The following DLC1 variants were observed in gnomAD, a reference collection of about 807,000 sequenced individuals.
DLC1 encodes the protein rho GTPase-activating protein 7.
Under a neutral mutation model 140.3 loss-of-function variants are expected in DLC1, and 54 were observed. The observed-to-expected ratio is 0.38, with a 90% CI of 0.31 to 0.48. DLC1 has a LOEUF of 0.48. DLC1 is among the 20% of genes least tolerant of loss of function. DLC1 has a pLI of 0.96. For synonymous variants in DLC1, 986 were observed against 728.1 expected, an observed-to-expected ratio of 1.35 and a Z score of -5.70; for missense variants, 2,536 against 1,907.0, an observed-to-expected ratio of 1.33 and a Z score of -6.14.
intron 5 of DLC1, among the ~76,000 whole-genome samples, chr8:13,170,658 A>C (rs969832052): frequency 1.4e-5 from 2 of 141,576 alleles, no homozygotes; most frequent in Non-Finnish European, 3.0e-5. Flanking sequence ...TGAACCCGGG[A>C]GGCGGAGCTT....
intron 5 of DLC1, among the ~76,000 whole-genome samples, chr8:13,116,652 G>A (rs1265777952): frequency 6.6e-6 from 1 of 152,134 alleles, no homozygotes; most frequent in Non-Finnish European, 1.5e-5. Flanking sequence ...TTTTTGTCTA[G>A]TAACTTTATG....
At chr8:13,390,956 G>A (rs1239887099) in intron 4 of DLC1, among the ~76,000 whole-genome samples, 1 of 145,240 alleles carries the variant, frequency 6.9e-6, no homozygotes, top group East Asian at 2.0e-4. Context: ...CTGCACTCCA[G>A]CCTGGGCGAC....
chr8:13,117,297 C>A (rs1370227662), intron 5 of DLC1, among the ~76,000 whole-genome samples: 1 of 151,764 alleles, frequency 6.6e-6, no homozygotes, highest in African/African-American at 2.4e-5. Context: ...ATGGCGAAAC[C>A]CTGTCTCTAC....
chr8:13,422,334 G>A (rs405596), intron 2 of DLC1, among the ~76,000 whole-genome samples: 147,545 of 152,126 alleles, frequency 0.97, 71,705 homozygotes, highest in East Asian at 1. Context: ...TATTATTTTC[G>A]TATGAGAGAA....
At chr8:13,296,850 C>T (rs1831976381) in intron 5 of DLC1, among the ~76,000 whole-genome samples, 2 of 151,810 alleles carry the variant, frequency 1.3e-5, no homozygotes, top group Non-Finnish European at 1.5e-5. Context: ...AAGACCACTT[C>T]AAATGTGGGA....
chr8:13,414,962 C>T (rs917775724), intron 2 of DLC1, among the ~76,000 whole-genome samples: 16 of 152,144 alleles, frequency 1.1e-4, no homozygotes, highest in Non-Finnish European at 1.5e-4. Flanking sequence ...AGGCGTGCGC[C>T]ACCATGCCTG....
intron 4 of DLC1, among the ~76,000 whole-genome samples, chr8:13,337,144 T>G (rs1833841734): frequency 6.6e-6 from 1 of 152,146 alleles, no homozygotes; most frequent in African/African-American, 2.4e-5. Context: ...ACAAGAGCAT[T>G]TAATTTCTCT....
chr8:13,389,518 T>C (rs1167904670), intron 4 of DLC1, among the ~76,000 whole-genome samples: 1 of 152,270 alleles, frequency 6.6e-6, no homozygotes, highest in East Asian at 1.9e-4. Flanking sequence ...AAGCCTCTTC[T>C]TTTTTCTAAT....
At chr8:13,097,796 C>G (rs1482773908) in intron 10 of DLC1, among the ~76,000 whole-genome samples, 1 of 152,058 alleles carries the variant, frequency 6.6e-6, no homozygotes, top group East Asian at 1.9e-4. Flanking sequence ...AACTGGCAAT[C>G]TGTCACTCAA....
At chr8:13,504,500 C>A (rs559882314) in intron 1 of DLC1, among the ~76,000 whole-genome samples, 1 of 152,290 alleles carries the variant, frequency 6.6e-6, no homozygotes, top group South Asian at 2.1e-4. Context: ...TGATTCAAGT[C>A]TTCCGATTGA....
At chr8:13,333,265 G>T (rs750024262) in intron 4 of DLC1, among the ~76,000 whole-genome samples, 5 of 151,808 alleles carry the variant, frequency 3.3e-5, no homozygotes, top group Non-Finnish European at 5.9e-5. Context: ...TTCCTTTATT[G>T]CCCAGGCTGG....
At chr8:13,186,942 T>A (rs1337216059) in intron 5 of DLC1, among the ~76,000 whole-genome samples, 1 of 152,182 alleles carries the variant, frequency 6.6e-6, no homozygotes, top group Non-Finnish European at 1.5e-5. Flanking sequence ...TTTGCTGGAG[T>A]TCCACTCTAG....
At position 13,120,370 on chromosome 8, in the gene DLC1, T is replaced by TATATATATAAAA. The variant is rs369581778; in HGVS notation, c.1349-4714_1349-4713insTTTTATATATAT. Among the ~76,000 whole-genome samples the TATATATATAAAA allele has an allele frequency of 1.5e-4, 17 of 110,868 alleles. No individual in the cohort carries two copies. In the South Asian group the frequency reaches 5.1e-3, roughly 33 times the overall value. The allele number at this position is 110,868 out of a possible 152,430, so 72.7% of individuals were successfully genotyped here. On this transcript the variant is annotated intron_variant, in intron 5 of 17. Transcript: ENST00000276297. ...AAAAAAAAAAAAATATATATATATA[T>TATATATATAAAA]AAAATGTATATTATGTAACAAATAC... is the stretch of plus-strand genomic sequence containing the variant.
chr8:13,327,120 A>ATTTTTTTTTTTTT (rs34667525), intron 4 of DLC1, among the ~76,000 whole-genome samples: 2 of 85,660 alleles, frequency 2.3e-5, no homozygotes, highest in African/African-American at 4.4e-5. Context: ...ACACCCGGCT[A>ATTTTTTTTTTTTT]TTTTTTTTTT....
At position 13,092,463 on chromosome 8, in the gene DLC1, C is replaced by G. The variant is rs1318567049; in HGVS notation, c.3740+149G>C. Reference sequence around the variant, plus strand: ...GCCAACAGACCAGTCTCAGGTATGTCTTTATTAGCGGTGTGAGAATGGACT... The same window carrying G: ...GCCAACAGACCAGTCTCAGGTATGTGTTTATTAGCGGTGTGAGAATGGACT... On this transcript the variant is annotated intron_variant, in intron 13 of 17. Transcript: ENST00000276297. The G allele has an allele frequency of 1.1e-5, 9 of 834,692 alleles. No individual in the cohort carries two copies. The African/African-American group carries it at 1.4e-4, about 13-fold the overall frequency. The allele number at this position is 834,692 out of a possible 1,614,324, so 51.7% of individuals were successfully genotyped here. A position where few individuals can be genotyped will look rare whatever the true frequency, so the allele number is the denominator to read the frequency against.
At chr8:13,490,690 C>G (rs1271432925) in intron 2 of DLC1, among the ~76,000 whole-genome samples, 1 of 152,164 alleles carries the variant, frequency 6.6e-6, no homozygotes, top group Non-Finnish European at 1.5e-5. Context: ...CAAGCTAAAT[C>G]AGTTTCACTA....
intron 4 of DLC1, among the ~76,000 whole-genome samples, chr8:13,385,218 C>G (rs953381784): frequency 9.2e-5 from 14 of 151,964 alleles, no homozygotes; most frequent in African/African-American, 3.4e-4. Flanking sequence ...TACTACAGTC[C>G]TGATACAAAG....
chr8:13,474,010 C>G (rs143642541), intron 2 of DLC1, among the ~76,000 whole-genome samples: 1 of 152,150 alleles, frequency 6.6e-6, no homozygotes, highest in African/African-American at 2.4e-5. Flanking sequence ...GCATAAGTAA[C>G]GAGGAGCCAA....
intron 4 of DLC1, among the ~76,000 whole-genome samples, chr8:13,388,543 A>C (rs1836620705): frequency 6.6e-6 from 1 of 152,054 alleles, no homozygotes; most frequent in Non-Finnish European, 1.5e-5. Flanking sequence ...AGAACTTAAT[A>C]ATTACTAATT....
Sources: gnomAD v4.1 joint callset for allele counts (sites outside exome capture counted in the v4.1 genomes callset) on GRCh38, gnomAD v4.1.1 for gene constraint, MANE v1.5 for transcripts, NCBI Gene and HGNC (gene_info 2026-07-23, HGNC 2026-07-21) for gene names.